Variants in DPF3 observed in about 807,000 individuals in gnomAD.
The protein encoded by DPF3 is double PHD fingers 3, also known as zinc finger protein DPF3.
DPF3 carries 18 observed loss-of-function variants against 56.8 expected under a neutral mutation model. The observed-to-expected ratio is 0.32, with a 90% CI of 0.22 to 0.47. DPF3 has a LOEUF of 0.47. Ranked by LOEUF, DPF3 falls within the 20% of genes least tolerant of loss-of-function variation. The probability of loss-of-function intolerance (pLI) is 1.00; values close to 1 mark genes in which losing one functional copy is unlikely to be tolerated. For missense variants in DPF3, 403 were observed against 488.8 expected, an observed-to-expected ratio of 0.82 and a Z score of 1.65; for synonymous variants, 188 against 180.2, an observed-to-expected ratio of 1.04 and a Z score of -0.35.
At chr14:72,878,083 T>A (rs1886185585) in intron 1 of DPF3, among the ~76,000 whole-genome samples, 1 of 152,164 alleles carries the variant, frequency 6.6e-6, no homozygotes, top group South Asian at 2.1e-4. Context: ...CATCAGCATT[T>A]TCTCTGGCTT....
intron 5 of DPF3, among the ~76,000 whole-genome samples, chr14:72,721,633 C>T (rs139582137): frequency 1.3e-5 from 2 of 152,102 alleles, no homozygotes; most frequent in Non-Finnish European, 2.9e-5. Flanking sequence ...AATTAAAACA[C>T]CACCCAAAGC....
chr14:72,676,448 G>T (rs935516737), intron 7 of DPF3, among the ~76,000 whole-genome samples: 1 of 152,184 alleles, frequency 6.6e-6, no homozygotes. Context: ...CCCTCATGAC[G>T]TATGAGGATG....
intron 1 of DPF3, among the ~76,000 whole-genome samples, chr14:72,881,803 G>A (rs371528341): frequency 8.5e-5 from 13 of 152,190 alleles, no homozygotes; most frequent in African/African-American, 3.1e-4. Context: ...GGGTGGGCCA[G>A]CTGGGGGAAG....
intron 1 of DPF3, among the ~76,000 whole-genome samples, chr14:72,799,958 G>A (rs907655216): frequency 1.3e-5 from 2 of 152,176 alleles, no homozygotes; most frequent in African/African-American, 2.4e-5. Context: ...GAGTGAAGAA[G>A]ATACACTCAC....
At chr14:72,879,886 A>T in intron 1 of DPF3, 1 of 1,533,742 alleles carries the variant, frequency 6.5e-7, no homozygotes, top group African/African-American at 1.4e-5. Flanking sequence ...GCAGATGTTC[A>T]CATCTATATG....
At chr14:72,689,908 C>T (rs1398922656) in intron 7 of DPF3, among the ~76,000 whole-genome samples, 2 of 152,196 alleles carry the variant, frequency 1.3e-5, no homozygotes, top group Non-Finnish European at 2.9e-5. Context: ...GAGGAGGGCA[C>T]TGTGAGATGT....
rs1196131845 is a variant in DPF3, at chr14:72,617,518, C to T, written c.*1779G>A. On this transcript the variant is annotated 3_prime_UTR_variant, in exon 11 of 11. Coordinates refer to ENST00000556509, the MANE Select transcript of DPF3 (RefSeq NM_001280542.3). ...TTATGAGGAAGATGAAAATTCCATCCGGTCGGGGGCCCTTTAAATGAGACC... is the reference window on the plus strand; with the variant it reads ...TTATGAGGAAGATGAAAATTCCATCTGGTCGGGGGCCCTTTAAATGAGACC... Among the ~76,000 whole-genome samples, 1 of 152,144 alleles carries T rather than the reference C, an allele frequency of 6.6e-6. No homozygotes were observed. Among genetic ancestry groups the T allele is most frequent in the Non-Finnish European group, 1.5e-5 (1 of 68,028 alleles).
At chr14:72,663,140 G>A (rs1886291156) in intron 8 of DPF3, among the ~76,000 whole-genome samples, 1 of 127,014 alleles carries the variant, frequency 7.9e-6, no homozygotes, top group African/African-American at 3.1e-5. Context: ...TTCCCAGGTG[G>A]TGTAGCAGGC....
intron 1 of DPF3, among the ~76,000 whole-genome samples, chr14:72,798,088 C>G (rs1465542320): frequency 6.6e-6 from 1 of 151,774 alleles, no homozygotes; most frequent in Non-Finnish European, 1.5e-5. Flanking sequence ...AACCCTGTCT[C>G]CACCAAAAAT....
chr14:72,730,220 C>A (rs932547165), intron 4 of DPF3, among the ~76,000 whole-genome samples: 1 of 151,682 alleles, frequency 6.6e-6, no homozygotes, highest in Non-Finnish European at 1.5e-5. Flanking sequence ...TGCGGGAGAA[C>A]TGGGCTTATG....
intron 2 of DPF3, among the ~76,000 whole-genome samples, chr14:72,770,186 A>G (rs1891464974): frequency 6.6e-6 from 1 of 151,970 alleles, no homozygotes; most frequent in South Asian, 2.1e-4. Flanking sequence ...GTTCTTACCA[A>G]AAAAAAATGG....
chr14:72,803,792 C>T (rs936257785), intron 1 of DPF3, among the ~76,000 whole-genome samples: 7 of 152,172 alleles, frequency 4.6e-5, no homozygotes, highest in Non-Finnish European at 8.8e-5. Flanking sequence ...TCCAATATGT[C>T]CCAGAAAGTG....
In DPF3 at chr14:72,617,111, G is replaced by A. The variant is rs1884133818; in HGVS notation, c.*2186C>T. 6.6e-6 allele frequency among the ~76,000 whole-genome samples: 1 copy of A among 152,204 alleles called. No individual in the cohort carries two copies. The highest frequency in any genetic ancestry group is 2.4e-5 in the African/African-American group (1 of 41,450). On this transcript the variant is annotated 3_prime_UTR_variant, in exon 11 of 11. Transcript: ENST00000556509. ...AGCTGAGGCTCAGCTTGTGTAGGCA[G>A]AGCAGACATGGGGCTGAGATCGAAC...
Position 72,890,363 on chromosome 14 carries a change from C to T in DPF3, c.32+3694G>A, listed in dbSNP as rs548908216. Among the ~76,000 whole-genome samples, 9 of 151,956 alleles carry T rather than the reference C, an allele frequency of 5.9e-5. No homozygotes were observed. In the East Asian group the frequency reaches 7.7e-4, roughly 13 times the overall value. The stretch of plus-strand genomic sequence containing the variant: ...AAAATTAGCCAGGTGTAGTGGTGCG[C>T]GCCTGTAATCCCAGCTACTCTGGAG... On this transcript the variant is annotated intron_variant, in intron 1 of 10. Transcript: ENST00000556509.
chr14:72,880,341 C>A (rs890916992), intron 1 of DPF3, among the ~76,000 whole-genome samples: 4 of 152,172 alleles, frequency 2.6e-5, no homozygotes, highest in African/African-American at 9.7e-5. Flanking sequence ...TCACTGCAAT[C>A]GCCAGATCAG....
At chr14:72,782,223 A>G (rs1010602552) in intron 1 of DPF3, among the ~76,000 whole-genome samples, 1 of 87,712 alleles carries the variant, frequency 1.1e-5, no homozygotes, top group Non-Finnish European at 2.2e-5. Flanking sequence ...CAGCAGCCCA[A>G]GTGATTTTTT....
intron 1 of DPF3, among the ~76,000 whole-genome samples, chr14:72,858,996 C>A (rs550696763): frequency 7.4e-4 from 112 of 152,136 alleles, no homozygotes; most frequent in Non-Finnish European, 1.2e-3. Flanking sequence ...CCTATATACA[C>A]ATATATATTT....
intron 6 of DPF3, among the ~76,000 whole-genome samples, chr14:72,696,370 G>C (rs752790058): frequency 1.3e-5 from 2 of 152,072 alleles, no homozygotes; most frequent in Non-Finnish European, 2.9e-5. Context: ...CCATTGATAG[G>C]GAACTCACTA....
Position 72,611,255 on chromosome 14 carries a change from G to A in DPF3, c.*8042C>T, listed in dbSNP as rs1883705740. ...AATAACTCAAAGCTGAAATCTGGCT[G>A]TGACACGTGTGGAGAAAAGGAAAGA... On this transcript the variant is annotated 3_prime_UTR_variant, in exon 11 of 11. Coordinates refer to ENST00000556509, the MANE Select transcript of DPF3 (RefSeq NM_001280542.3). 6.6e-6 allele frequency among the ~76,000 whole-genome samples: 1 copy of A among 152,238 alleles called. No individual in the cohort carries two copies. Among genetic ancestry groups the A allele is most frequent in the African/African-American group, 2.4e-5 (1 of 41,458 alleles).
Sources: allele counts gnomAD v4.1 joint callset (sites outside exome capture counted in the v4.1 genomes callset), GRCh38; gene constraint gnomAD v4.1.1; transcripts MANE v1.5; gene names NCBI Gene and HGNC (gene_info 2026-07-23, HGNC 2026-07-21).